The following NSMCE2 variants were observed in gnomAD, a reference collection of about 807,000 sequenced individuals.
NSMCE2 encodes the protein E3 SUMO-protein ligase NSE2.
In NSMCE2, 24 loss-of-function variants were observed where a neutral mutation model predicts 23.8. That is an observed-to-expected ratio of 1.01 (90% CI 0.73 to 1.42). The LOEUF is 1.42. Among genes scored for constraint, NSMCE2 ranks in the 40% most tolerant of loss-of-function variants. NSMCE2 has a pLI of 0.00. For missense variants in NSMCE2, 284 were observed against 296.5 expected, an observed-to-expected ratio of 0.96 and a Z score of 0.31; for synonymous variants, 92 against 94.1, an observed-to-expected ratio of 0.98 and a Z score of 0.13.
intron 1 of NSMCE2, among the ~76,000 whole-genome samples, chr8:125,094,220 A>G (rs1010183849): frequency 6.6e-6 from 1 of 152,218 alleles, no homozygotes; most frequent in African/African-American, 2.4e-5. Context: ...GACTATTTTC[A>G]GAGCACTTGC....
chr8:125,145,876 CA>C (rs1328127497), intron 3 of NSMCE2, among the ~76,000 whole-genome samples: 13 of 152,172 alleles, frequency 8.5e-5, no homozygotes, highest in African/African-American at 2.9e-4. Flanking sequence ...GACCTCTTAG[CA>C]GCTGGAGTTG....
chr8:125,233,456 TAA>T (rs1825413787), intron 5 of NSMCE2, among the ~76,000 whole-genome samples: 1 of 152,198 alleles, frequency 6.6e-6, no homozygotes, highest in South Asian at 2.1e-4. Flanking sequence ...TTTTATTCCT[TAA>T]AGTCACATGT....
intron 5 of NSMCE2, among the ~76,000 whole-genome samples, chr8:125,262,695 G>GTT (rs200401815): frequency 2.0e-5 from 3 of 151,378 alleles, no homozygotes; most frequent in South Asian, 4.2e-4. Flanking sequence ...TGGAAGTCTA[G>GTT]TTTTTTTTTC....
intron 5 of NSMCE2, among the ~76,000 whole-genome samples, chr8:125,288,789 T>A (rs1410074874): frequency 1.3e-5 from 2 of 152,112 alleles, no homozygotes; most frequent in Non-Finnish European, 2.9e-5. Flanking sequence ...TCTTTATTTT[T>A]TAAATTTATT....
At chr8:125,293,619 A>G (rs1457322252) in intron 5 of NSMCE2, among the ~76,000 whole-genome samples, 1 of 134,356 alleles carries the variant, frequency 7.4e-6, no homozygotes, top group Non-Finnish European at 1.6e-5. Flanking sequence ...AGTAGAGGTA[A>G]CAGGATTACC....
chr8:125,291,801 T>C (rs1828115458), intron 5 of NSMCE2, among the ~76,000 whole-genome samples: 1 of 152,212 alleles, frequency 6.6e-6, no homozygotes, highest in South Asian at 2.1e-4. Context: ...GCTTTTTACC[T>C]AGCTTTATTC....
intron 5 of NSMCE2, among the ~76,000 whole-genome samples, chr8:125,351,800 C>T (rs1813045811): frequency 6.6e-6 from 1 of 152,022 alleles, no homozygotes; most frequent in Admixed American, 6.6e-5. Flanking sequence ...CACTTGAGGT[C>T]AGGAGTTCGA....
chr8:125,318,240 A>G (rs972922467), intron 5 of NSMCE2, among the ~76,000 whole-genome samples: 1 of 151,994 alleles, frequency 6.6e-6, no homozygotes, highest in Non-Finnish European at 1.5e-5. Context: ...GAAACCCCAT[A>G]TCTACAAAAA....
At chr8:125,246,788 A>T (rs1450524118) in intron 5 of NSMCE2, among the ~76,000 whole-genome samples, 5 of 152,198 alleles carry the variant, frequency 3.3e-5, no homozygotes, top group Non-Finnish European at 5.9e-5. Flanking sequence ...AACATTATGT[A>T]CAAGTCTACA....
rs532757313 is a variant in NSMCE2, at chr8:125,098,776, G to T, written c.-110-3275G>T. ...GCTATTTAGTAAGATGGGGCAGGTT[G>T]TAAAAGGAGTAGGTTTGGGGGAGGG... On this transcript the variant is annotated intron_variant, in intron 1 of 7. Coordinates refer to ENST00000287437, the MANE Select transcript of NSMCE2 (RefSeq NM_173685.4). 6.8e-4 allele frequency among the ~76,000 whole-genome samples: 100 copies of T among 148,004 alleles called. 1 individual carries two copies. The highest frequency in any genetic ancestry group is 2.3e-3 in the African/African-American group (95 of 40,998).
chr8:125,307,050 C>T (rs576642870), intron 5 of NSMCE2, among the ~76,000 whole-genome samples: 25 of 152,294 alleles, frequency 1.6e-4, no homozygotes, highest in Admixed American at 5.2e-4. Flanking sequence ...GAGCCCAGCC[C>T]ATTGTAAATC....
intron 3 of NSMCE2, among the ~76,000 whole-genome samples, chr8:125,137,192 C>T (rs924381194): frequency 6.6e-6 from 1 of 152,000 alleles, no homozygotes; most frequent in African/African-American, 2.4e-5. Flanking sequence ...CTACTCTTTC[C>T]TGAAAGAAAT....
At chr8:125,301,512 A>G (rs148623301) in intron 5 of NSMCE2, among the ~76,000 whole-genome samples, 39 of 152,264 alleles carry the variant, frequency 2.6e-4, no homozygotes, top group East Asian at 2.1e-3. Context: ...TTATTCACCG[A>G]AAGTACTTGG....
chr8:125,129,520 A>G (rs914404913), intron 3 of NSMCE2, among the ~76,000 whole-genome samples: 2 of 150,524 alleles, frequency 1.3e-5, no homozygotes, highest in African/African-American at 4.9e-5. Flanking sequence ...CATTTTGAAG[A>G]TAGTGTTAGG....
At chr8:125,286,998 G>C (rs543241274) in intron 5 of NSMCE2, among the ~76,000 whole-genome samples, 2 of 152,116 alleles carry the variant, frequency 1.3e-5, no homozygotes, top group Admixed American at 1.3e-4. Flanking sequence ...CCTCTGTAGG[G>C]TGGTTTTACC....
intron 5 of NSMCE2, among the ~76,000 whole-genome samples, chr8:125,281,565 G>T (rs912190900): frequency 6.6e-6 from 1 of 151,882 alleles, no homozygotes; most frequent in African/African-American, 2.4e-5. Flanking sequence ...TCAGCCTCCT[G>T]AGTAGCTGTA....
intron 7 of NSMCE2, among the ~76,000 whole-genome samples, chr8:125,365,829 C>G (rs1813762871): frequency 6.6e-6 from 1 of 152,018 alleles, no homozygotes; most frequent in African/African-American, 2.4e-5. Context: ...TGCACCCCAG[C>G]CTGGGTGAAA....
At chr8:125,315,232 CCAAA>C (rs1829135579) in intron 5 of NSMCE2, among the ~76,000 whole-genome samples, 1 of 151,962 alleles carries the variant, frequency 6.6e-6, no homozygotes, top group African/African-American at 2.4e-5. Context: ...GCCCCAAGTA[CCAAA>C]CAGAGTAGTG....
intron 4 of NSMCE2, among the ~76,000 whole-genome samples, chr8:125,168,961 T>C (rs919886801): frequency 1.3e-5 from 2 of 152,192 alleles, no homozygotes; most frequent in Non-Finnish European, 2.9e-5. Context: ...TAACAGCATT[T>C]TTGTGTAGAT....
Sources: allele counts gnomAD v4.1 joint callset (sites outside exome capture counted in the v4.1 genomes callset), GRCh38; gene constraint gnomAD v4.1.1; transcripts MANE v1.5; gene names NCBI Gene and HGNC (gene_info 2026-07-23, HGNC 2026-07-21).